The following HMBOX1 variants were observed in gnomAD, a reference collection of about 807,000 sequenced individuals.
HMBOX1 encodes homeobox-containing protein 1.
HMBOX1 carries 14 observed loss-of-function variants against 54.5 expected under a neutral mutation model. The observed-to-expected ratio is 0.26, with a 90% CI of 0.17 to 0.40. The LOEUF (loss-of-function observed/expected upper bound fraction) is 0.40. HMBOX1 is among the 10% of genes least tolerant of loss of function. HMBOX1 has a pLI of 1.00. For missense variants in HMBOX1, 332 were observed against 514.4 expected (o/e 0.65, Z 3.43); for synonymous variants, 160 against 181.0 (o/e 0.88, Z 0.93).
At chr8:28,977,358 G>A (rs1258828252) in intron 3 of HMBOX1, among the ~76,000 whole-genome samples, 4 of 151,796 alleles carry the variant, frequency 2.6e-5, no homozygotes, top group South Asian at 2.1e-4. Flanking sequence ...CTTCATTTTC[G>A]TAGGTCATTC....
intron 4 of HMBOX1, among the ~76,000 whole-genome samples, chr8:28,986,959 T>G (rs1290772869): frequency 6.6e-6 from 1 of 152,132 alleles, no homozygotes; most frequent in African/African-American, 2.4e-5. Flanking sequence ...GGAAATAATT[T>G]CGGAGGATAT....
chr8:28,906,873 TGA>T (rs772203063), intron 1 of HMBOX1, among the ~76,000 whole-genome samples: 1 of 152,228 alleles, frequency 6.6e-6, no homozygotes, highest in Non-Finnish European at 1.5e-5. Context: ...ATTACAGGCG[TGA>T]GCCACCACAC....
intron 1 of HMBOX1, among the ~76,000 whole-genome samples, chr8:28,892,705 G>C (rs1025481247): frequency 6.6e-6 from 1 of 152,040 alleles, no homozygotes; most frequent in Non-Finnish European, 1.5e-5. Flanking sequence ...CTGAAAGAGT[G>C]AGGTAGCATG....
intron 1 of HMBOX1, among the ~76,000 whole-genome samples, chr8:28,916,796 G>T (rs1816648896): frequency 6.6e-6 from 1 of 151,136 alleles, no homozygotes. Context: ...CTCATTCATT[G>T]GCCTTTCCAT....
chr8:28,890,833 A>G (rs1810745949), intron 1 of HMBOX1, 155 bp downstream of exon 1: 1 of 152,248 alleles, frequency 6.6e-6, no homozygotes, highest in African/African-American at 2.4e-5. Flanking sequence ...GGAGGGAGGA[A>G]GCAGGGGGCT....
intron 1 of HMBOX1, among the ~76,000 whole-genome samples, chr8:28,932,685 T>G (rs1255888420): frequency 1.3e-5 from 2 of 152,234 alleles, no homozygotes. Context: ...ACTACATGAC[T>G]TAAAACAACA....
chr8:29,033,613 TG>T (rs1563621131), intron 6 of HMBOX1, among the ~76,000 whole-genome samples: 1 of 152,242 alleles, frequency 6.6e-6, no homozygotes, highest in Non-Finnish European at 1.5e-5. Context: ...ATTATCATGA[TG>T]TTTTTGAGGC....
At chr8:28,945,243 C>T (rs1010213751) in intron 1 of HMBOX1, among the ~76,000 whole-genome samples, 8 of 152,114 alleles carry the variant, frequency 5.3e-5, no homozygotes, top group African/African-American at 1.4e-4. Flanking sequence ...CATACTGATC[C>T]CTTGAGGAAG....
At chr8:28,954,903 T>C (rs1260750108) in intron 1 of HMBOX1, among the ~76,000 whole-genome samples, 1 of 152,208 alleles carries the variant, frequency 6.6e-6, no homozygotes, top group Non-Finnish European at 1.5e-5. Context: ...AATTACTTTT[T>C]ATATTCAAGA....
rs1825343807 is a variant in HMBOX1 at position 28,960,753 on chromosome 8, CTTTTTCTTTTTCTTTTTTT to C, written c.-57-3052_-57-3034del. Among the ~76,000 whole-genome samples, 8 of 65,644 alleles carry C rather than the reference CTTTTTCTTTTTCTTTTTTT, an allele frequency of 1.2e-4. 1 individual carries two copies. Among genetic ancestry groups the C allele is most frequent in the Admixed American group, 1.9e-4 (1 of 5,134 alleles). The allele number at this position is 65,644 out of a possible 152,430, so 43.1% of individuals were successfully genotyped here. A position where few individuals can be genotyped will look rare whatever the true frequency, so the allele number is the denominator to read the frequency against. On this transcript the variant is annotated intron_variant, in intron 1 of 9. Coordinates refer to ENST00000287701, the MANE Select transcript of HMBOX1 (RefSeq NM_001135726.3). The stretch of plus-strand genomic sequence containing the variant: ...ATAATTGTAAACTTATTCTCTTTTT[CTTTTTCTTTTTCTTTTTTT>C]TTTTTTTTTTTTTTTTTTTTTTTTT...
chr8:28,920,274 T>G (rs1161081069), intron 1 of HMBOX1, among the ~76,000 whole-genome samples: 2 of 152,188 alleles, frequency 1.3e-5, no homozygotes, highest in Non-Finnish European at 2.9e-5. Context: ...AAATCACTAT[T>G]GAGTTCCTAC....
At chr8:29,037,744 TTTTG>T (rs1340287765) in intron 6 of HMBOX1, among the ~76,000 whole-genome samples, 4 of 152,158 alleles carry the variant, frequency 2.6e-5, no homozygotes, top group African/African-American at 7.2e-5. Flanking sequence ...ATGTAAATTG[TTTTG>T]TTTATTTCCA....
chr8:28,908,635 A>G (rs1814795764), intron 1 of HMBOX1, among the ~76,000 whole-genome samples: 3 of 152,128 alleles, frequency 2.0e-5, no homozygotes, highest in Non-Finnish European at 4.4e-5. Flanking sequence ...CATGCCTGTA[A>G]TCCCAGCTAT....
At chr8:29,040,536 G>A (rs1196356159) in intron 6 of HMBOX1, among the ~76,000 whole-genome samples, 2 of 152,040 alleles carry the variant, frequency 1.3e-5, no homozygotes, top group Non-Finnish European at 2.9e-5. Context: ...TTTAAACATT[G>A]AAACATTACA....
At chr8:28,936,367 CTAA>C (rs772157829) in intron 1 of HMBOX1, among the ~76,000 whole-genome samples, 68 of 151,882 alleles carry the variant, frequency 4.5e-4, no homozygotes, top group South Asian at 2.1e-3. Context: ...AAATATAGAA[CTAA>C]TAATAATATC....
intron 4 of HMBOX1, among the ~76,000 whole-genome samples, chr8:28,995,386 G>A (rs1322811636): frequency 6.6e-6 from 1 of 152,218 alleles, no homozygotes; most frequent in South Asian, 2.1e-4. Flanking sequence ...ATCATTATAT[G>A]TATATACTAT....
intron 5 of HMBOX1, among the ~76,000 whole-genome samples, chr8:29,014,223 C>T (rs1834654778): frequency 6.6e-6 from 1 of 151,096 alleles, no homozygotes; most frequent in Non-Finnish European, 1.5e-5. Context: ...TTTAGATTTG[C>T]TAGGTGAAGG....
intron 1 of HMBOX1, chr8:28,915,915 T>TA (rs952915194): frequency 7.9e-5 from 12 of 152,188 alleles, no homozygotes; most frequent in African/African-American, 2.9e-4. Flanking sequence ...TCCAAAATAT[T>TA]ACTATTTCAC....
At chr8:28,967,024 A>T (rs1299261155) in intron 2 of HMBOX1, among the ~76,000 whole-genome samples, 3 of 152,182 alleles carry the variant, frequency 2.0e-5, no homozygotes, top group Non-Finnish European at 4.4e-5. Context: ...GCTCTGTTCC[A>T]CGTTTCTTGG....
Sources: allele counts gnomAD v4.1 joint callset (sites outside exome capture counted in the v4.1 genomes callset), GRCh38; gene constraint gnomAD v4.1.1; transcripts MANE v1.5; gene names NCBI Gene and HGNC (gene_info 2026-07-23, HGNC 2026-07-21).